Variants in DSTYK observed in about 807,000 individuals in gnomAD.
DSTYK encodes the protein dual serine/threonine and tyrosine protein kinase.
In DSTYK, 34 loss-of-function variants were observed where a neutral mutation model predicts 98.7. That is an observed-to-expected ratio of 0.34 (90% CI 0.26 to 0.46). The LOEUF is 0.46. DSTYK is among the 20% of genes least tolerant of loss of function. The probability of loss-of-function intolerance (pLI) is 1.00; values close to 1 mark genes in which losing one functional copy is unlikely to be tolerated. For synonymous variants in DSTYK, 462 were observed against 457.3 expected (o/e 1.01, Z -0.13); for missense variants, 962 against 1,181.7 (o/e 0.81, Z 2.73).
intron 7 of DSTYK, 140 bp downstream of exon 7, chr1:205,161,118 G>A: frequency 9.1e-7 from 1 of 1,099,206 alleles, no homozygotes; most frequent in Non-Finnish European, 1.3e-6. Flanking sequence ...AGAGACTTTA[G>A]GAATTCAAAA....
Position 205,169,320 on chromosome 1 carries a change from T to C in DSTYK, c.1167A>G (p.Lys389=), listed in dbSNP as rs775256269. The C allele has an allele frequency of 3.1e-6, 5 of 1,614,112 alleles. No individual in the cohort carries two copies. The Admixed American group carries it at 5.0e-5, about 16-fold the overall frequency. ...DMQRDLQITP[K]RLEYTRKKEN... Reference sequence around the variant, plus strand: ...CCTTTTTTCGAGTATATTCCAGACGTTTGGGAGTGATCTGCAGGTCCCGCT... The same window carrying C: ...CCTTTTTTCGAGTATATTCCAGACGCTTGGGAGTGATCTGCAGGTCCCGCT... Residue 389 remains lysine (K), a synonymous_variant, in exon 3 of 13, where the codon AAA becomes AAG. Transcript: ENST00000367162. The surrounding 1 kb of genome is among the most constrained non-coding windows in gnomAD (Gnocchi z 4.0).
chr1:205,199,844 C>G (rs371199014), intron 1 of DSTYK, among the ~76,000 whole-genome samples: 15 of 152,218 alleles, frequency 9.9e-5, no homozygotes, highest in Admixed American at 7.9e-4. Context: ...CCACATCCAC[C>G]CATAGCTCGT....
intron 1 of DSTYK, among the ~76,000 whole-genome samples, chr1:205,191,776 T>C (rs1049887185): frequency 2.6e-5 from 4 of 152,200 alleles, no homozygotes; most frequent in Non-Finnish European, 4.4e-5. Context: ...AGACTGACAG[T>C]AGGAGGGAGG....
intron 1 of DSTYK, among the ~76,000 whole-genome samples, chr1:205,198,934 C>A (rs540652195): frequency 6.6e-6 from 1 of 151,190 alleles, no homozygotes; most frequent in East Asian, 1.9e-4. Flanking sequence ...CAGGTTCAGG[C>A]GATTCTTCTG....
chr1:205,159,278 G>A (rs548360797), intron 9 of DSTYK, among the ~76,000 whole-genome samples: 53 of 152,078 alleles, frequency 3.5e-4, no homozygotes, highest in Admixed American at 2.6e-3. Context: ...TTATAGAGAC[G>A]AAGTCTCCCT....
At chr1:205,172,443 G>A (rs1303478312) in intron 2 of DSTYK, among the ~76,000 whole-genome samples, 1 of 150,538 alleles carries the variant, frequency 6.6e-6, no homozygotes, top group African/African-American at 2.4e-5. Context: ...GATACTACAG[G>A]TGTGAGCCAC....
rs146197852 is a variant in DSTYK at position 205,187,685 on chromosome 1, A to G, written c.387T>C (p.Asn129=). The part of the protein sequence containing the change: ...QDCNVKCQLL[N]LLLGVQVLPT... Reference sequence around the variant, plus strand: ...GAAGCACCTGCACCCCCAACAGCAGATTCAACAGCTGGCACTTGACGTTAC... The same window carrying G: ...GAAGCACCTGCACCCCCAACAGCAGGTTCAACAGCTGGCACTTGACGTTAC... Residue 129 remains asparagine (N), a synonymous_variant, in exon 2 of 13, where the codon AAT becomes AAC. Coordinates refer to ENST00000367162, the MANE Select transcript of DSTYK (RefSeq NM_015375.3). 6.8e-6 allele frequency: 11 copies of G among 1,614,110 alleles called. No individual in the cohort carries two copies. In the African/African-American group the frequency reaches 1.2e-4, roughly 18 times the overall value.
At position 205,162,648 on chromosome 1, in the gene DSTYK, T is replaced by TA. The variant is rs1215491292; in HGVS notation, c.1641+274dup. Among the ~76,000 whole-genome samples the TA allele has an allele frequency of 2.6e-5, 4 of 152,298 alleles. No homozygotes were observed. In the East Asian group the frequency reaches 7.7e-4, roughly 29 times the overall value. On this transcript the variant is annotated intron_variant, in intron 5 of 12. Transcript: ENST00000367162. ...GGTAGAGTCTTATGGCTCCATGAAA[T>TA]ATCATTTATCTTTTTTTTCTATTTT...
chr1:205,211,056 G>A (rs1400285494), intron 1 of DSTYK, among the ~76,000 whole-genome samples: 5 of 152,160 alleles, frequency 3.3e-5, no homozygotes, highest in Non-Finnish European at 7.4e-5. Flanking sequence ...CCTGGCTCCC[G>A]GTCCCCCAGC....
Position 205,146,064 on chromosome 1 carries a change from C to T in DSTYK, c.*1494G>A, listed in dbSNP as rs560298355. The T allele has an allele frequency of 6.6e-6, 1 of 152,240 alleles. No individual in the cohort carries two copies. Among genetic ancestry groups the T allele is most frequent in the East Asian group, 1.9e-4 (1 of 5,186 alleles). The allele number at this position is 152,240 out of a possible 1,614,324, so 9.4% of individuals were successfully genotyped here. ...GGGGTGAGGGGCACACACAGAACTA[C>T]CAGAGGAGGGTTTTTCTCTTTCGTC... On this transcript the variant is annotated 3_prime_UTR_variant, in exon 13 of 13. Transcript: ENST00000367162.
At chr1:205,161,687 G>A (rs892482584) in intron 6 of DSTYK, among the ~76,000 whole-genome samples, 13 of 152,122 alleles carry the variant, frequency 8.5e-5, no homozygotes, top group Non-Finnish European at 1.3e-4. Context: ...ATGTCCTTCT[G>A]TCATTTGTTC....
Position 205,162,939 on chromosome 1 carries a change from C to T in DSTYK, c.1625G>A (p.Trp542Ter). The change falls in exon 5 of 13, where the codon TGG (tryptophan) becomes TAG (stop). Residue 542 changes from tryptophan to a stop codon, truncating the protein, a stop_gained. Transcript: ENST00000367162. LOFTEE classifies it high-confidence loss of function. ...HSGSSVTRMLWEQIKQIIQRI... is the reference protein window; with the variant it reads ...HSGSSVTRML ...AATCCCTACCTGTTTGATTTGCTCCCATAGCATCCTTGTAACTGACGACCC... is the reference window on the plus strand; with the variant it reads ...AATCCCTACCTGTTTGATTTGCTCCTATAGCATCCTTGTAACTGACGACCC... 1 of 1,613,672 alleles carries T rather than the reference C, an allele frequency of 6.2e-7. No individual in the cohort carries two copies.
At chr1:205,172,337 T>C (rs1658090206) in intron 2 of DSTYK, among the ~76,000 whole-genome samples, 1 of 151,406 alleles carries the variant, frequency 6.6e-6, no homozygotes, top group African/African-American at 2.4e-5. Flanking sequence ...TCTTGTGCTG[T>C]TGCCCAGCCT....
At chr1:205,164,733 T>C (rs188892127) in intron 3 of DSTYK, among the ~76,000 whole-genome samples, 224 of 152,302 alleles carry the variant, frequency 1.5e-3, no homozygotes, top group African/African-American at 5.1e-3. Context: ...AGTGCTGGGA[T>C]TACAGGTGTG....
chr1:205,203,365 C>T (rs1278944638), intron 1 of DSTYK, among the ~76,000 whole-genome samples: 1 of 149,706 alleles, frequency 6.7e-6, no homozygotes, highest in Non-Finnish European at 1.5e-5. Flanking sequence ...GCCTGCAGTC[C>T]CAGCTACTTG....
intron 2 of DSTYK, among the ~76,000 whole-genome samples, chr1:205,176,476 T>TAAAAAAAAAAAA (rs61291677): frequency 1.9e-4 from 8 of 43,202 alleles, no homozygotes; most frequent in Non-Finnish European, 2.7e-4. Context: ...AACTCCCTCT[T>TAAAAAAAAAAAA]AAAAAAAAAA....
Position 205,145,807 on chromosome 1 carries a change from C to T in DSTYK, c.*1751G>A, listed in dbSNP as rs553580489. On this transcript the variant is annotated 3_prime_UTR_variant, in exon 13 of 13. Coordinates refer to ENST00000367162, the MANE Select transcript of DSTYK (RefSeq NM_015375.3). ...ATTAGGCAGATGGAGGGAGACTACT[C>T]ACTTCCACTGTCTACTTCCTCGTCT... 1 of 152,312 alleles carries T rather than the reference C, an allele frequency of 6.6e-6. No individual in the cohort carries two copies. The highest frequency in any genetic ancestry group is 2.4e-5 in the African/African-American group (1 of 41,566). The allele number at this position is 152,312 out of a possible 1,614,324, so 9.4% of individuals were successfully genotyped here.
At chr1:205,162,466 G>A (rs1207271254) in intron 5 of DSTYK, among the ~76,000 whole-genome samples, 1 of 152,148 alleles carries the variant, frequency 6.6e-6, no homozygotes, top group Non-Finnish European at 1.5e-5. Flanking sequence ...CAGTGCCAGG[G>A]AGTGCCTGAT....
rs35547823 is a variant in DSTYK at position 205,160,788 on chromosome 1, G to GT, written c.1948+469dup. On this transcript the variant is annotated intron_variant, in intron 7 of 12. Coordinates refer to ENST00000367162, the MANE Select transcript of DSTYK (RefSeq NM_015375.3). ...GTTATGTGGTTTTTTGTTTTTTGTT[G>GT]TTTTTTTTTTTGGAGACAGAGTCTT... Among the ~76,000 whole-genome samples, 1,165 of 145,192 alleles carry GT rather than the reference G, an allele frequency of 8.0e-3. 7 individuals carry two copies. The highest frequency in any genetic ancestry group is 0.012 in the Non-Finnish European group (778 of 65,616).
Sources: gnomAD v4.1 joint callset for allele counts (sites outside exome capture counted in the v4.1 genomes callset) on GRCh38, gnomAD v4.1.1 for gene constraint, Gnocchi (gnomAD v3.1) non-coding constraint, MANE v1.5 for transcripts, NCBI Gene and HGNC (gene_info 2026-07-23, HGNC 2026-07-21) for gene names.